Variants in BSND observed in about 807,000 individuals in gnomAD.
The protein encoded by BSND is barttin CLCNK type accessory subunit beta.
In BSND, 13 loss-of-function variants were observed where a neutral mutation model predicts 18.8. That is an observed-to-expected ratio of 0.69 (90% CI 0.45 to 1.10). The LOEUF (loss-of-function observed/expected upper bound fraction) is 1.10, where lower values mean the gene tolerates loss of function less well. Ranked by LOEUF, BSND falls within the 50% of genes least tolerant of loss-of-function variation. The probability of loss-of-function intolerance (pLI) is 0.00; values close to 1 mark genes in which losing one functional copy is unlikely to be tolerated. For synonymous variants in BSND, 170 were observed against 161.8 expected, an observed-to-expected ratio of 1.05 and a Z score of -0.39; for missense variants, 379 against 416.7, an observed-to-expected ratio of 0.91 and a Z score of 0.79.
chr1:55,007,012 G>GCC lies in BSND; in HGVS notation c.290_291dup (p.Tyr98ProfsTer3), dbSNP rs1557485170. The GCC allele has an allele frequency of 6.2e-7, 1 of 1,614,080 alleles. No individual in the cohort carries two copies. Among genetic ancestry groups the GCC allele is most frequent in the African/African-American group, 1.3e-5 (1 of 75,038 alleles). ...CCCACTCCAGCCCCAGTCCCCAGCC[G>GCC]CCCTATGTAAGGCTGTGGGAGGAAG... On this transcript the variant is annotated frameshift_variant, in exon 3 of 4. Coordinates refer to ENST00000651561, the MANE Select transcript of BSND (RefSeq NM_057176.3). LOFTEE classifies it high-confidence loss of function.
rs1448058661 is a variant in BSND at position 55,016,605 on chromosome 1, T to TTTG, written c.*7980_*7982dup. ...TCTAGTTTTGTTGTTGTTGTTGTTG[T>TTTG]TTGTTTGTTGTTTTGAGACAAGGTC... On this transcript the variant is annotated 3_prime_UTR_variant, in exon 4 of 4. Transcript: ENST00000651561. 1.3e-4 allele frequency among the ~76,000 whole-genome samples: 20 copies of TTTG among 151,830 alleles called. No individual in the cohort carries two copies. Among genetic ancestry groups the TTTG allele is most frequent in the Admixed American group, 6.6e-5 (1 of 15,248 alleles).
Position 55,005,077 on chromosome 1 carries a change from T to C in BSND, c.233T>C (p.Met78Thr), listed in dbSNP as rs1249099594. ...DFQGILSPKAMGLLENGLAAE... is the reference protein window; with the variant it reads ...DFQGILSPKATGLLENGLAAE... ...CAAGGCATCCTCTCCCCAAAGGCCA[T>C]GGGCCTGCTGGAGAATGGGCTTGCT... The change falls in exon 2 of 4, where the codon ATG becomes ACG. Residue 78 changes from methionine to threonine, a missense_variant. Met to Thr is a moderately conservative substitution (Grantham distance 81). Transcript: ENST00000651561. 6.8e-6 allele frequency: 11 copies of C among 1,614,162 alleles called. No individual in the cohort carries two copies. Among genetic ancestry groups the C allele is most frequent in the Non-Finnish European group, 7.6e-6 (9 of 1,180,028 alleles).
rs772829341 is a variant in BSND at position 55,007,072 on chromosome 1, C to T, written c.348C>T (p.His116=). ...AYDQSLPDFS[H]IQMKVMSYSE... ...ACCAGAGCCTGCCTGACTTCAGCCA[C>T]ATCCAGATGAAAGTCATGAGCTACA... The change falls in exon 3 of 4, where the codon CAC becomes CAT. Residue 116 remains histidine, a synonymous_variant. Coordinates refer to ENST00000651561, the MANE Select transcript of BSND (RefSeq NM_057176.3). The T allele has an allele frequency of 3.1e-6, 5 of 1,614,210 alleles. No individual in the cohort carries two copies. The highest frequency in any genetic ancestry group is 2.2e-5 in the East Asian group (1 of 44,882).
chr1:55,000,742 G>A (rs533928253), intron 1 of BSND, among the ~76,000 whole-genome samples: 3 of 152,368 alleles, frequency 2.0e-5, no homozygotes, highest in Non-Finnish European at 4.4e-5. Context: ...ACTTGCCTCT[G>A]TCTGTGCAAT....
At position 55,010,497 on chromosome 1, in the gene BSND, T is replaced by A. The variant is rs1263075191; in HGVS notation, c.*1869T>A. ...CTCAGAGCCTGCACCCTGGGCCACC[T>A]GGGAGTCAGAGACCTTCACCTGGGC... On this transcript the variant is annotated 3_prime_UTR_variant, in exon 4 of 4. Coordinates refer to ENST00000651561, the MANE Select transcript of BSND (RefSeq NM_057176.3). The A allele has an allele frequency of 6.6e-6, 1 of 152,282 alleles. No homozygotes were observed. Among genetic ancestry groups the A allele is most frequent in the African/African-American group, 2.4e-5 (1 of 41,446 alleles). 9.4% of individuals were successfully genotyped at this position (152,282 alleles called of 1,614,324 possible).
Position 55,010,220 on chromosome 1 carries a change from G to A in BSND, c.*1592G>A, listed in dbSNP as rs1214825327. Reference sequence around the variant, plus strand: ...CAGAGCAGAAGCTGAGGTGGGAACAGAGAAGTAAAAAATGGACACACCAGA... The same window carrying A: ...CAGAGCAGAAGCTGAGGTGGGAACAAAGAAGTAAAAAATGGACACACCAGA... On this transcript the variant is annotated 3_prime_UTR_variant, in exon 4 of 4. Coordinates refer to ENST00000651561, the MANE Select transcript of BSND (RefSeq NM_057176.3). 1 of 152,224 alleles carries A rather than the reference G, an allele frequency of 6.6e-6. No homozygotes were observed. Among genetic ancestry groups the A allele is most frequent in the East Asian group, 1.9e-4 (1 of 5,196 alleles). The allele number at this position is 152,224 out of a possible 1,614,324, so 9.4% of individuals were successfully genotyped here.
rs199729521 is a variant in BSND, at chr1:54,999,225, G to T, written c.39G>T (p.Val13=). 1 of 1,614,178 alleles carries T rather than the reference G, an allele frequency of 6.2e-7. No homozygotes were observed. The highest frequency in any genetic ancestry group is 1.3e-5 in the African/African-American group (1 of 75,040). Residue 13 remains valine, a synonymous_variant, in exon 1 of 4, where the codon GTG becomes GTT. Transcript: ENST00000651561. ...AGACCTTCCGGATCGGCTTCATTGT[G>T]CTGGGGCTTTTCCTGCTGGCCCTCG... ...DEKTFRIGFI[V]LGLFLLALGT... is the part of the protein sequence containing the mutation.
rs907743544 is a variant in BSND at position 55,016,915 on chromosome 1, A to G, written c.*8287A>G. On this transcript the variant is annotated 3_prime_UTR_variant, in exon 4 of 4. Coordinates refer to ENST00000651561, the MANE Select transcript of BSND (RefSeq NM_057176.3). Reference sequence around the variant, plus strand: ...CTATGCAAGGGACAGATACACGGCCATTCAAAACAGTGACCCTCCTGATTG... The same window carrying G: ...CTATGCAAGGGACAGATACACGGCCGTTCAAAACAGTGACCCTCCTGATTG... Among the ~76,000 whole-genome samples the G allele has an allele frequency of 6.6e-6, 1 of 152,210 alleles. No homozygotes were observed. The highest frequency in any genetic ancestry group is 1.5e-5 in the Non-Finnish European group (1 of 68,034).
rs376784896 is a variant in BSND at position 55,008,524 on chromosome 1, G to T, written c.859G>T (p.Glu287Ter). 1.6e-5 allele frequency: 26 copies of T among 1,614,204 alleles called. No individual in the cohort carries two copies. The highest frequency in any genetic ancestry group is 2.2e-5 in the Non-Finnish European group (26 of 1,180,026). Residue 287 changes from glutamate (E) to a stop codon, truncating the protein, a stop_gained, in exon 4 of 4, where the codon GAA (glutamate) becomes TAA (stop). Transcript: ENST00000651561. LOFTEE classifies it high-confidence loss of function. ...EKEASDTGGE[E>*]PEKEEEDLYY... ...GGAGGCTTCGGACACAGGTGGGGAG[G>T]AACCTGAGAAGGAAGAGGAAGACCT...
intron 2 of BSND, among the ~76,000 whole-genome samples, chr1:55,005,951 C>G (rs2101648043): frequency 6.6e-6 from 1 of 152,126 alleles, no homozygotes; most frequent in Middle Eastern, 3.4e-3. Flanking sequence ...CAAACTGCTT[C>G]CCTCTCTGGA....
At position 55,010,722 on chromosome 1, in the gene BSND, T is replaced by C. The variant is rs2479401; in HGVS notation, c.*2094T>C. ...GCCACAGGGTACACCCTCTCTGCTG[T>C]CATGACTCAGGACAGGAGTTCCTGG... On this transcript the variant is annotated 3_prime_UTR_variant, in exon 4 of 4. Coordinates refer to ENST00000651561, the MANE Select transcript of BSND (RefSeq NM_057176.3). 0.19 allele frequency: 28,318 copies of C among 152,238 alleles called. 2,946 individuals carry two copies. The highest frequency in any genetic ancestry group is 0.21 in the African/African-American group (8,882 of 41,524). 9.4% of individuals were successfully genotyped at this position (152,238 alleles called of 1,614,324 possible).
Position 55,004,527 on chromosome 1 carries a change from C to G in BSND, c.178-495C>G, listed in dbSNP as rs4927185. ...CCTAGGGCTGGACTTGCAGAGACCTCTTGATTCCTGAAAGTTCAGGGACAG... is the reference window on the plus strand; with the variant it reads ...CCTAGGGCTGGACTTGCAGAGACCTGTTGATTCCTGAAAGTTCAGGGACAG... On this transcript the variant is annotated intron_variant, in intron 1 of 3. Coordinates refer to ENST00000651561, the MANE Select transcript of BSND (RefSeq NM_057176.3). Among the ~76,000 whole-genome samples, 1,013 of 152,358 alleles carry G rather than the reference C, an allele frequency of 6.6e-3. 30 individuals are homozygous for G. The South Asian group carries it at 0.1, about 16-fold the overall frequency.
In BSND at chr1:55,011,379, T is replaced by C. The variant is rs969564403; in HGVS notation, c.*2751T>C. On this transcript the variant is annotated 3_prime_UTR_variant, in exon 4 of 4. Coordinates refer to ENST00000651561, the MANE Select transcript of BSND (RefSeq NM_057176.3). ...GTTACCTTACCTACTCTGTGACCTT[T>C]GACAAGTCTGGTTGCCTCCGTAGCC... The C allele has an allele frequency of 1.1e-4, 16 of 152,234 alleles. No homozygotes were observed. The highest frequency in any genetic ancestry group is 3.6e-4 in the African/African-American group (15 of 41,452). 9.4% of individuals were successfully genotyped at this position (152,234 alleles called of 1,614,324 possible). A position where few individuals can be genotyped will look rare whatever the true frequency, so the allele number is the denominator to read the frequency against.
rs1644451876 is a variant in BSND, at chr1:55,016,467, C to T, written c.*7839C>T. Reference sequence around the variant, plus strand: ...GCTGGCAGAATGTGGAGGAACAGAGCTCTTTCTGACGTTGCTGATGTGAAT... The same window carrying T: ...GCTGGCAGAATGTGGAGGAACAGAGTTCTTTCTGACGTTGCTGATGTGAAT... On this transcript the variant is annotated 3_prime_UTR_variant, in exon 4 of 4. Coordinates refer to ENST00000651561, the MANE Select transcript of BSND (RefSeq NM_057176.3). 6.6e-6 allele frequency among the ~76,000 whole-genome samples: 1 copy of T among 152,224 alleles called. No individual in the cohort carries two copies. Among genetic ancestry groups the T allele is most frequent in the African/African-American group, 2.4e-5 (1 of 41,454 alleles).
rs1206161711 is a variant in BSND at position 55,014,233 on chromosome 1, A to ATGGCCCAGGGGCATGGACTCC, written c.*5607_*5627dup. Among the ~76,000 whole-genome samples, 1 of 152,236 alleles carries ATGGCCCAGGGGCATGGACTCC rather than the reference A, an allele frequency of 6.6e-6. No homozygotes were observed. The highest frequency in any genetic ancestry group is 2.4e-5 in the African/African-American group (1 of 41,458). ...AACCGGGTGCCCACTCTGAAGGCTC[A>ATGGCCCAGGGGCATGGACTCC]TGGCCCAGGGGCATGGACTCCTAGC... On this transcript the variant is annotated 3_prime_UTR_variant, in exon 4 of 4. Transcript: ENST00000651561.
chr1:55,008,266 C>G lies in BSND; in HGVS notation c.601C>G (p.Leu201Val). ...PAPLASFQDD[L>V]DMDSSEGSSP... ...CCCCTTGGCTTCCTTCCAAGATGAC[C>G]TGGACATGGACTCCAGTGAAGGCAG... The change falls in exon 4 of 4, where the codon CTG (leucine) becomes GTG (valine). Residue 201 changes from leucine to valine, a missense_variant. Transcript: ENST00000651561. 2 of 1,614,200 alleles carry G rather than the reference C, an allele frequency of 1.2e-6. No homozygotes were observed. Among genetic ancestry groups the G allele is most frequent in the South Asian group, 1.1e-5 (1 of 91,082 alleles).
rs988491567 is a variant in BSND at position 55,012,372 on chromosome 1, T to C, written c.*3744T>C. Reference sequence around the variant, plus strand: ...ATCTGTCGACCCCACATTGCAAATGTTTGTTATAAATCCCAGGCTCCAGAA... The same window carrying C: ...ATCTGTCGACCCCACATTGCAAATGCTTGTTATAAATCCCAGGCTCCAGAA... On this transcript the variant is annotated 3_prime_UTR_variant, in exon 4 of 4. Coordinates refer to ENST00000651561, the MANE Select transcript of BSND (RefSeq NM_057176.3). Among the ~76,000 whole-genome samples, 6 of 152,146 alleles carry C rather than the reference T, an allele frequency of 3.9e-5. No individual in the cohort carries two copies. The highest frequency in any genetic ancestry group is 1.3e-4 in the Admixed American group (2 of 15,284).
In BSND at chr1:55,008,507, C is replaced by T. The variant is rs781101708; in HGVS notation, c.842C>T (p.Ser281Leu). Reference sequence around the variant, plus strand: ...ACAAAGGTGGAGGAGAAGGAGGCTTCGGACACAGGTGGGGAGGAACCTGAG... The same window carrying T: ...ACAAAGGTGGAGGAGAAGGAGGCTTTGGACACAGGTGGGGAGGAACCTGAG... Reference protein sequence around the residue: ...PRTKVEEKEASDTGGEEPEKE... With the variant: ...PRTKVEEKEALDTGGEEPEKE... The change falls in exon 4 of 4, where the codon TCG becomes TTG. Residue 281 changes from serine (S) to leucine (L), a missense_variant. Transcript: ENST00000651561. 124 of 1,614,060 alleles carry T rather than the reference C, an allele frequency of 7.7e-5. No homozygotes were observed. The highest frequency in any genetic ancestry group is 4.0e-4 in the East Asian group (18 of 44,880).
chr1:55,006,892 G>T, intron 2 of BSND, 105 bp from the exon 3 acceptor site: 1 of 1,539,658 alleles, frequency 6.5e-7, no homozygotes, highest in Non-Finnish European at 8.9e-7. Flanking sequence ...AAGGCTTCTT[G>T]TGAGGTGAGG....
Sources: allele counts gnomAD v4.1 joint callset (sites outside exome capture counted in the v4.1 genomes callset), GRCh38; gene constraint gnomAD v4.1.1; transcripts MANE v1.5; gene names NCBI Gene and HGNC (gene_info 2026-07-23, HGNC 2026-07-21).